Variants in CCDC88A observed in about 807,000 individuals in gnomAD.
The protein encoded by CCDC88A is girdin.
CCDC88A carries 54 observed loss-of-function variants against 234.3 expected under a neutral mutation model. The ratio of observed to expected loss-of-function variants is 0.23; its 90% CI spans 0.19 to 0.29. The LOEUF (loss-of-function observed/expected upper bound fraction) is 0.29. Among genes scored for constraint, CCDC88A ranks in the 10% least tolerant of loss-of-function variants. The probability of loss-of-function intolerance (pLI) is 1.00; values close to 1 mark genes in which losing one functional copy is unlikely to be tolerated. For missense variants in CCDC88A, 1,832 were observed against 2,123.4 expected, an observed-to-expected ratio of 0.86 and a Z score of 2.70; for synonymous variants, 753 against 737.8, an observed-to-expected ratio of 1.02 and a Z score of -0.33.
At chr2:55,366,206 C>T (rs1444806332) in intron 5 of CCDC88A, among the ~76,000 whole-genome samples, 2 of 151,944 alleles carry the variant, frequency 1.3e-5, no homozygotes, top group Non-Finnish European at 2.9e-5. Context: ...ATTACTAAGC[C>T]AGTAGATTAC....
Position 55,362,418 on chromosome 2 carries a change from G to T in CCDC88A, c.517C>A (p.Leu173Met). 1 of 1,602,282 alleles carries T rather than the reference G, an allele frequency of 6.2e-7. No individual in the cohort carries two copies. Among genetic ancestry groups the T allele is most frequent in the Non-Finnish European group, 8.5e-7 (1 of 1,176,334 alleles). The stretch of plus-strand genomic sequence containing the variant: ...ATATCAGTCACTTCCATCCATTGCA[G>T]GTCAAACACATTTTCCTGATTATGA... Reference protein sequence around the residue: ...VTHNQENVFDLQWMEVTDMSQ... With the variant: ...VTHNQENVFDMQWMEVTDMSQ... The change falls in exon 7 of 33, where the codon CTG (leucine) becomes ATG (methionine). Residue 173 changes from leucine (L) to methionine (M), a missense_variant. This residue lies in a region of CCDC88A where 1,282 missense variants were observed against 1,543.6 expected (regional missense o/e 0.83). Coordinates refer to ENST00000436346, the MANE Select transcript of CCDC88A (RefSeq NM_001365480.1).
intron 9 of CCDC88A, among the ~76,000 whole-genome samples, chr2:55,346,629 A>G (rs576457846): frequency 6.6e-6 from 1 of 152,280 alleles, no homozygotes; most frequent in Non-Finnish European, 1.5e-5. Flanking sequence ...CATGTTGGCC[A>G]GGCCAGTCTC....
chr2:55,369,419 C>A (rs1297543742), intron 5 of CCDC88A, among the ~76,000 whole-genome samples: 1 of 150,512 alleles, frequency 6.6e-6, no homozygotes, highest in Non-Finnish European at 1.5e-5. Flanking sequence ...CCTTGCCACT[C>A]ATCCCCATGA....
At chr2:55,323,701 T>G (rs1683916421) in intron 17 of CCDC88A, 1 of 152,046 alleles carries the variant, frequency 6.6e-6, no homozygotes, top group Non-Finnish European at 1.5e-5. Flanking sequence ...AGAATAAAAC[T>G]CGAATCCTTT....
Position 55,328,495 on chromosome 2 carries a change from T to C in CCDC88A, c.2856-60A>G. The C allele has an allele frequency of 8.1e-7, 1 of 1,227,118 alleles. No individual in the cohort carries two copies. The highest frequency in any genetic ancestry group is 1.1e-6 in the Non-Finnish European group (1 of 905,176). The allele number at this position is 1,227,118 out of a possible 1,614,324, so 76.0% of individuals were successfully genotyped here. On this transcript the variant is annotated intron_variant, in intron 16 of 32. Transcript: ENST00000436346. The surrounding 1 kb of genome is among the most constrained non-coding windows in gnomAD (Gnocchi z 4.3). Reference sequence around the variant, plus strand: ...GAGGTCAGAAAATTATTTTTAAAGATAATTTATGACCACAAATATTCATGC... The same window carrying C: ...GAGGTCAGAAAATTATTTTTAAAGACAATTTATGACCACAAATATTCATGC...
chr2:55,401,393 C>A (rs1003894176), intron 2 of CCDC88A, among the ~76,000 whole-genome samples: 3 of 141,250 alleles, frequency 2.1e-5, no homozygotes, highest in Non-Finnish European at 3.1e-5. Context: ...ATGATCTCAC[C>A]ACTGCATTCC....
intron 31 of CCDC88A, chr2:55,294,720 G>A (rs1679818090): frequency 2.0e-6 from 2 of 990,556 alleles, no homozygotes; most frequent in South Asian, 4.6e-5. Flanking sequence ...ACTTGGAAAT[G>A]TCTTCTTGGT....
rs1461873075 is a variant in CCDC88A, at chr2:55,418,932, G to C, written c.64-16C>G. 6 of 1,609,822 alleles carry C rather than the reference G, an allele frequency of 3.7e-6. No homozygotes were observed. Among genetic ancestry groups the C allele is most frequent in the Non-Finnish European group, 5.1e-6 (6 of 1,176,146 alleles). ...ACGTTTTAACCTAGAACAAACAGAAGGATCACCACGACATGAACGCCCACC... is the reference window on the plus strand; with the variant it reads ...ACGTTTTAACCTAGAACAAACAGAACGATCACCACGACATGAACGCCCACC... On this transcript the variant is annotated splice_polypyrimidine_tract_variant and intron_variant, in intron 1 of 32. Coordinates refer to ENST00000436346, the MANE Select transcript of CCDC88A (RefSeq NM_001365480.1).
intron 8 of CCDC88A, chr2:55,350,043 C>G (rs1241204262): frequency 6.5e-6 from 1 of 153,242 alleles, no homozygotes; most frequent in Non-Finnish European, 1.5e-5. Flanking sequence ...ATTCTCCTGC[C>G]TCAGTAGCTG....
intron 2 of CCDC88A, among the ~76,000 whole-genome samples, chr2:55,399,374 A>T (rs1159406141): frequency 6.6e-6 from 1 of 151,950 alleles, no homozygotes; most frequent in Admixed American, 6.6e-5. Flanking sequence ...AAAATTAAAA[A>T]AAAAATTAGC....
chr2:55,367,525 C>CTTTTTTTTTTT, intron 5 of CCDC88A, among the ~76,000 whole-genome samples: 1 of 33,614 alleles, frequency 3.0e-5, no homozygotes, highest in Middle Eastern at 0.021. Context: ...GTTTTATTTC[C>CTTTTTTTTTTT]TTGTTTTTTT....
intron 25 of CCDC88A, among the ~76,000 whole-genome samples, chr2:55,307,277 A>G (rs1681711947): frequency 6.6e-6 from 1 of 152,232 alleles, no homozygotes; most frequent in South Asian, 2.1e-4. Context: ...AATTGTATAG[A>G]GCATATTATA....
At position 55,374,734 on chromosome 2, in the gene CCDC88A, T is replaced by C. The variant is rs377271950; in HGVS notation, c.343+80A>G. ...GAAAAATCTAGTGAGTTAATGTATA[T>C]AAGCTCTTAGTAAAAAATAAACATC... On this transcript the variant is annotated intron_variant, in intron 4 of 32. Coordinates refer to ENST00000436346, the MANE Select transcript of CCDC88A (RefSeq NM_001365480.1). 8.1e-5 allele frequency: 66 copies of C among 819,176 alleles called. No homozygotes were observed. The East Asian group carries it at 1.1e-3, about 14-fold the overall frequency. 50.7% of individuals were successfully genotyped at this position (819,176 alleles called of 1,614,324 possible). A position where few individuals can be genotyped will look rare whatever the true frequency, so the allele number is the denominator to read the frequency against.
intron 2 of CCDC88A, among the ~76,000 whole-genome samples, chr2:55,408,064 T>A (rs1213685722): frequency 6.6e-6 from 1 of 152,020 alleles, no homozygotes; most frequent in Non-Finnish European, 1.5e-5. Context: ...TAGTGTTAAA[T>A]CAAGAGATCA....
At chr2:55,407,678 C>A (rs1249659502) in intron 2 of CCDC88A, among the ~76,000 whole-genome samples, 1 of 151,108 alleles carries the variant, frequency 6.6e-6, no homozygotes, top group Non-Finnish European at 1.5e-5. Flanking sequence ...CCCACTATTA[C>A]ATTATTTCTT....
At position 55,290,770 on chromosome 2, in the gene CCDC88A, T is replaced by C. The variant is rs1427463866; in HGVS notation, c.*430A>G. 6.6e-6 allele frequency: 1 copy of C among 152,570 alleles called. No homozygotes were observed. The highest frequency in any genetic ancestry group is 1.5e-5 in the Non-Finnish European group (1 of 67,970). 9.5% of individuals were successfully genotyped at this position (152,570 alleles called of 1,614,324 possible). A position where few individuals can be genotyped will look rare whatever the true frequency, so the allele number is the denominator to read the frequency against. On this transcript the variant is annotated 3_prime_UTR_variant, in exon 33 of 33. Coordinates refer to ENST00000436346, the MANE Select transcript of CCDC88A (RefSeq NM_001365480.1). ...TTAGGTTTACACAACTAAATATAAA[T>C]GGCTAGATTTTGGCTAACACTTAGC...
At chr2:55,318,660 A>C (rs1403727325) in intron 19 of CCDC88A, among the ~76,000 whole-genome samples, 183 bp downstream of exon 19, 2 of 152,194 alleles carry the variant, frequency 1.3e-5, no homozygotes, top group African/African-American at 4.8e-5. Flanking sequence ...GTATTGACTG[A>C]ATTTATTAAT....
chr2:55,327,040 G>T (rs1300556295), intron 17 of CCDC88A, among the ~76,000 whole-genome samples: 9 of 151,946 alleles, frequency 5.9e-5, no homozygotes, highest in African/African-American at 9.7e-5. Context: ...TGTTTTTTTT[G>T]TTTTGTTTTG....
intron 2 of CCDC88A, among the ~76,000 whole-genome samples, chr2:55,409,699 G>A (rs989509137): frequency 2.4e-4 from 35 of 148,018 alleles, no homozygotes; most frequent in African/African-American, 8.3e-4. Flanking sequence ...CACTGGGAGA[G>A]GAGTCCATGT....
Sources: allele counts gnomAD v4.1 joint callset (sites outside exome capture counted in the v4.1 genomes callset), GRCh38; gene constraint gnomAD v4.1.1; regional missense constraint gnomAD v4.1.1; non-coding constraint Gnocchi (gnomAD v3.1); transcripts MANE v1.5; gene names NCBI Gene and HGNC (gene_info 2026-07-23, HGNC 2026-07-21).